Variants in SLC2A9 observed in about 807,000 individuals in gnomAD.
SLC2A9 encodes solute carrier family 2 member 9.
A neutral mutation model predicts 50.6 loss-of-function variants in SLC2A9; 39 were observed. That is an observed-to-expected ratio of 0.77 (90% CI 0.60 to 1.01). The LOEUF is 1.01. Ranked by LOEUF, SLC2A9 falls within the 50% of genes least tolerant of loss-of-function variation. The pLI, the probability that SLC2A9 is intolerant of heterozygous loss-of-function variation, is 0.00. For synonymous variants in SLC2A9, 324 were observed against 276.9 expected (o/e 1.17, Z -1.69); for missense variants, 686 against 677.6 (o/e 1.01, Z -0.14).
chr4:9,912,072 T>G (rs538956922), intron 7 of SLC2A9, among the ~76,000 whole-genome samples: 1 of 152,052 alleles, frequency 6.6e-6, no homozygotes, highest in South Asian at 2.1e-4. Flanking sequence ...TTCTCACTCA[T>G]AGGTGGGAAT....
chr4:9,830,998 G>C (rs1401439), intron 11 of SLC2A9, among the ~76,000 whole-genome samples: 82,642 of 152,054 alleles, frequency 0.54, 23,539 homozygotes, highest in Non-Finnish European at 0.63. Context: ...GCATGCTCAG[G>C]GCCCTCCGCT....
downstream of SLC2A9, among the ~76,000 whole-genome samples, chr4:9,825,415 T>G (rs979930742): frequency 8.5e-5 from 13 of 152,208 alleles, no homozygotes; most frequent in Admixed American, 3.9e-4. Flanking sequence ...ACTCCCCATT[T>G]TTCAAGACAG....
intron 1 of SLC2A9, among the ~76,000 whole-genome samples, chr4:10,027,593 G>A (rs1763797360): frequency 6.6e-6 from 1 of 152,028 alleles, no homozygotes; most frequent in Admixed American, 6.6e-5. Flanking sequence ...TTGGTGGTGC[G>A]GTGGTGCCAT....
At chr4:9,978,820 A>T (rs1755239755) in intron 5 of SLC2A9, among the ~76,000 whole-genome samples, 1 of 152,262 alleles carries the variant, frequency 6.6e-6, no homozygotes, top group Non-Finnish European at 1.5e-5. Flanking sequence ...GATTGGCTGA[A>T]ATATAAAAAG....
intron 8 of SLC2A9, among the ~76,000 whole-genome samples, chr4:9,906,033 G>A (rs1740600912): frequency 1.3e-5 from 2 of 152,156 alleles, no homozygotes; most frequent in African/African-American, 4.8e-5. Flanking sequence ...CACACATTAT[G>A]GAAATCTACC....
chr4:9,978,342 C>T (rs891720677), intron 5 of SLC2A9, among the ~76,000 whole-genome samples: 6 of 152,200 alleles, frequency 3.9e-5, no homozygotes, highest in South Asian at 2.1e-4. Flanking sequence ...ACAGACCTTA[C>T]GGACTCAAGC....
At chr4:9,860,608 C>T (rs972159671) in intron 10 of SLC2A9, among the ~76,000 whole-genome samples, 2 of 152,234 alleles carry the variant, frequency 1.3e-5, no homozygotes, top group Non-Finnish European at 2.9e-5. Flanking sequence ...TTAGGAGTGA[C>T]GTTGTCCCTT....
chr4:9,941,416 G>T (rs531405938), intron 6 of SLC2A9, among the ~76,000 whole-genome samples: 6 of 152,260 alleles, frequency 3.9e-5, no homozygotes, highest in African/African-American at 1.4e-4. Context: ...AGGTCCTGTG[G>T]GTCATTGTGA....
intron 5 of SLC2A9, among the ~76,000 whole-genome samples, chr4:9,950,810 G>A (rs1301427886): frequency 3.9e-5 from 3 of 77,142 alleles, no homozygotes; most frequent in African/African-American, 2.6e-4. Context: ...GGAGAATGGC[G>A]TGAACCCGGG....
rs1320715419 is a variant in SLC2A9 at position 9,879,773 on chromosome 4, G to C, written c.1291+7794C>G. 4.1e-6 allele frequency: 4 copies of C among 985,282 alleles called. No individual in the cohort carries two copies. The East Asian group carries it at 4.5e-4, about 112-fold the overall frequency. 61.0% of individuals were successfully genotyped at this position (985,282 alleles called of 1,614,324 possible). A position where few individuals can be genotyped will look rare whatever the true frequency, so the allele number is the denominator to read the frequency against. The stretch of plus-strand genomic sequence containing the variant: ...GGGCTTCATGTGATTTTTAAAACTG[G>C]AATTGACACATTTTGGCAACGATCT... On this transcript the variant is annotated intron_variant, in intron 10 of 11. Coordinates refer to ENST00000264784, the MANE Select transcript of SLC2A9 (RefSeq NM_020041.3).
At chr4:9,953,634 G>GT (rs991588414) in intron 5 of SLC2A9, among the ~76,000 whole-genome samples, 2 of 152,128 alleles carry the variant, frequency 1.3e-5, no homozygotes, top group Admixed American at 6.5e-5. Flanking sequence ...TTTGTTGGTT[G>GT]TTTTTTGAGA....
intron 5 of SLC2A9, among the ~76,000 whole-genome samples, chr4:9,955,637 C>G (rs1354335194): frequency 6.6e-6 from 1 of 152,050 alleles, no homozygotes; most frequent in East Asian, 1.9e-4. Context: ...GCTTTCACTC[C>G]TGCTCTAACT....
At chr4:9,897,515 G>A (rs1223960717) in intron 8 of SLC2A9, among the ~76,000 whole-genome samples, 1 of 152,112 alleles carries the variant, frequency 6.6e-6, no homozygotes, top group East Asian at 1.9e-4. Flanking sequence ...TTATTTTTAG[G>A]TGATTCAGTT....
At chr4:9,977,097 G>T (rs951028229) in intron 5 of SLC2A9, among the ~76,000 whole-genome samples, 1 of 152,094 alleles carries the variant, frequency 6.6e-6, no homozygotes, top group Admixed American at 6.5e-5. Flanking sequence ...AACCCCTTCA[G>T]TCCTGGCTGG....
At chr4:9,971,787 T>A (rs1414119888) in intron 5 of SLC2A9, among the ~76,000 whole-genome samples, 1 of 152,154 alleles carries the variant, frequency 6.6e-6, no homozygotes, top group Admixed American at 6.5e-5. Context: ...AGGAAGGTCA[T>A]GAAAGGAAGA....
intron 10 of SLC2A9, among the ~76,000 whole-genome samples, chr4:9,840,158 C>G (rs969157385): frequency 6.6e-6 from 1 of 152,166 alleles, no homozygotes; most frequent in East Asian, 1.9e-4. Flanking sequence ...GGTAACTCCA[C>G]AGCATGAGTT....
At position 9,890,829 on chromosome 4, in the gene SLC2A9, A is replaced by T. The variant is rs1423004299; in HGVS notation, c.1114-118T>A. 4.7e-6 allele frequency: 4 copies of T among 845,152 alleles called. No homozygotes were observed. In the Admixed American group the frequency reaches 6.0e-5, roughly 13 times the overall value. 52.4% of individuals were successfully genotyped at this position (845,152 alleles called of 1,614,324 possible). ...ATTAAAAACCGGCTTTGACCCTGAG[A>T]CAGTTGGGCCACCTTCTTTATGGCC... On this transcript the variant is annotated intron_variant, in intron 8 of 11. Coordinates refer to ENST00000264784, the MANE Select transcript of SLC2A9 (RefSeq NM_020041.3).
At chr4:9,877,739 T>G (rs1341115520) in intron 10 of SLC2A9, among the ~76,000 whole-genome samples, 1 of 152,176 alleles carries the variant, frequency 6.6e-6, no homozygotes. Context: ...AGGCCTGGCA[T>G]TGAGATAATG....
chr4:9,890,578 C>A (rs751844746), intron 9 of SLC2A9, 32 bp downstream of exon 9: 6 of 1,600,846 alleles, frequency 3.7e-6, no homozygotes, highest in Non-Finnish European at 4.3e-6. Context: ...CCATGCTTAT[C>A]TCCCTCAAAT....
Sources: gnomAD v4.1 joint callset for allele counts (sites outside exome capture counted in the v4.1 genomes callset) on GRCh38, gnomAD v4.1.1 for gene constraint, MANE v1.5 for transcripts, NCBI Gene and HGNC (gene_info 2026-07-23, HGNC 2026-07-21) for gene names.